MED13L: variants seen among roughly 807,000 people sequenced by gnomAD.
The protein encoded by MED13L is mediator of RNA polymerase II transcription subunit 13-like.
MED13L carries 7 observed loss-of-function variants against 220.9 expected under a neutral mutation model. That is an observed-to-expected ratio of 0.03 (90% CI 0.02 to 0.06). The LOEUF is 0.06. MED13L is among the 10% of genes least tolerant of loss of function. MED13L has a pLI of 1.00. For synonymous variants in MED13L, 1,011 were observed against 1,015.2 expected (o/e 1.00, Z 0.08); for missense variants, 1,965 against 2,760.5 (o/e 0.71, Z 6.46).
At chr12:116,201,772 C>G (rs1882019998) in intron 2 of MED13L, among the ~76,000 whole-genome samples, 1 of 152,042 alleles carries the variant, frequency 6.6e-6, no homozygotes, top group South Asian at 2.1e-4. Context: ...AACCTAAGAG[C>G]CATCCATATA....
At chr12:116,171,978 T>C (rs1879712325) in intron 2 of MED13L, among the ~76,000 whole-genome samples, 1 of 152,200 alleles carries the variant, frequency 6.6e-6, no homozygotes, top group Admixed American at 6.5e-5. Context: ...ATCAACTTCA[T>C]GAAGATTTTA....
At chr12:116,159,733 T>C (rs1878718142) in intron 2 of MED13L, among the ~76,000 whole-genome samples, 1 of 152,220 alleles carries the variant, frequency 6.6e-6, no homozygotes, top group Non-Finnish European at 1.5e-5. Flanking sequence ...GTACTGTGTT[T>C]GTGAATAAAG....
chr12:116,140,161 C>A (rs1222763157), intron 2 of MED13L, among the ~76,000 whole-genome samples: 3 of 152,108 alleles, frequency 2.0e-5, no homozygotes, highest in Admixed American at 1.3e-4. Flanking sequence ...CCTTTCCCAG[C>A]ATGCTCTATT....
At chr12:116,137,486 T>C (rs1876659404) in intron 2 of MED13L, among the ~76,000 whole-genome samples, 1 of 152,050 alleles carries the variant, frequency 6.6e-6, no homozygotes, top group Non-Finnish European at 1.5e-5. Flanking sequence ...GTAACACCAG[T>C]ATTAAACAAA....
chr12:116,180,310 A>T (rs544103654), intron 2 of MED13L, among the ~76,000 whole-genome samples: 2 of 152,348 alleles, frequency 1.3e-5, no homozygotes, highest in Admixed American at 6.5e-5. Context: ...TTTGAGTGCC[A>T]ACATGATACC....
intron 2 of MED13L, among the ~76,000 whole-genome samples, chr12:116,130,394 T>C (rs1481037139): frequency 6.6e-6 from 1 of 152,214 alleles, no homozygotes; most frequent in African/African-American, 2.4e-5. Flanking sequence ...GAAAAGCTGA[T>C]ACCCTAAAAC....
At chr12:116,276,961 G>T (rs553720525) in intron 1 of MED13L, 99 bp downstream of exon 1, 1 of 1,314,764 alleles carries the variant, frequency 7.6e-7, no homozygotes, top group Non-Finnish European at 1.1e-6. Context: ...AGGGAGGGGC[G>T]AAGTCCCGGC....
At chr12:116,261,503 A>G (rs1872517421) in intron 1 of MED13L, among the ~76,000 whole-genome samples, 1 of 151,962 alleles carries the variant, frequency 6.6e-6, no homozygotes, top group Non-Finnish European at 1.5e-5. Flanking sequence ...AAAAAAAAAA[A>G]AAAAAAAACT....
intron 2 of MED13L, among the ~76,000 whole-genome samples, chr12:116,179,477 G>A (rs879404443): frequency 4.6e-5 from 7 of 151,916 alleles, no homozygotes; most frequent in African/African-American, 7.3e-5. Context: ...AGGCATGGTG[G>A]TGCACACTTG....
At chr12:116,208,511 T>C (rs1401405625) in intron 2 of MED13L, among the ~76,000 whole-genome samples, 1 of 152,242 alleles carries the variant, frequency 6.6e-6, no homozygotes, top group African/African-American at 2.4e-5. Flanking sequence ...AACAGTTAAC[T>C]ATCACCCCAT....
Position 115,963,395 on chromosome 12 carries a change from G to A in MED13L, c.6500+12C>T. On this transcript the variant is annotated intron_variant, in intron 30 of 30. Coordinates refer to ENST00000281928, the MANE Select transcript of MED13L (RefSeq NM_015335.5). ...CAAATTGCACTGCTATGATGCCTAG[G>A]TTGGTATCTACCTTAAAACATCCGA... 1.3e-6 allele frequency: 2 copies of A among 1,563,532 alleles called. No homozygotes were observed. The highest frequency in any genetic ancestry group is 2.2e-5 in the South Asian group (2 of 90,066).
intron 4 of MED13L, among the ~76,000 whole-genome samples, chr12:116,037,545 A>C (rs980081197): frequency 2.6e-5 from 4 of 152,188 alleles, no homozygotes; most frequent in African/African-American, 9.7e-5. Flanking sequence ...CTCAATCTGT[A>C]TAAGAGCAAA....
intron 2 of MED13L, among the ~76,000 whole-genome samples, chr12:116,159,010 A>C (rs1878658518): frequency 1.3e-5 from 2 of 152,186 alleles, no homozygotes; most frequent in South Asian, 4.1e-4. Context: ...TCTCTAGGGA[A>C]ACTGAAAAAT....
At chr12:116,038,361 G>A (rs1190471982) in intron 4 of MED13L, among the ~76,000 whole-genome samples, 1 of 151,978 alleles carries the variant, frequency 6.6e-6, no homozygotes, top group Non-Finnish European at 1.5e-5. Flanking sequence ...CTGAAATACT[G>A]CCAAGACTGC....
chr12:116,132,594 A>G (rs1367230588), intron 2 of MED13L, among the ~76,000 whole-genome samples: 2 of 151,232 alleles, frequency 1.3e-5, no homozygotes, highest in Admixed American at 6.6e-5. Context: ...CAATTTCACT[A>G]TATGCTAATT....
intron 28 of MED13L, among the ~76,000 whole-genome samples, chr12:115,967,244 G>C (rs1592895491): frequency 6.9e-6 from 1 of 144,952 alleles, no homozygotes; most frequent in South Asian, 2.2e-4. Flanking sequence ...ACATCAAACT[G>C]TATCAATTCT....
At chr12:115,973,022 A>T (rs1876694765) in intron 25 of MED13L, among the ~76,000 whole-genome samples, 1 of 152,026 alleles carries the variant, frequency 6.6e-6, no homozygotes, top group African/African-American at 2.4e-5. Flanking sequence ...AGGCTGCTCT[A>T]CCTCCACACT....
intron 2 of MED13L, among the ~76,000 whole-genome samples, chr12:116,136,895 G>A (rs1048627927): frequency 6.6e-6 from 1 of 152,112 alleles, no homozygotes; most frequent in African/African-American, 2.4e-5. Context: ...TGATTTTCCT[G>A]AATAAACTTG....
rs1877127913 is a variant in MED13L at position 116,142,093 on chromosome 12, A to C, written c.311-30581T>G. 2.0e-5 allele frequency among the ~76,000 whole-genome samples: 3 copies of C among 152,178 alleles called. No individual in the cohort carries two copies. The South Asian group carries it at 6.2e-4, about 32-fold the overall frequency. ...TTAGGTCTCACCTCATATGCCACCC[A>C]ATCAGACTTTCTCTGACTACCCTAC... is the stretch of plus-strand genomic sequence containing the variant. On this transcript the variant is annotated intron_variant, in intron 2 of 30. Coordinates refer to ENST00000281928, the MANE Select transcript of MED13L (RefSeq NM_015335.5).
Sources: allele counts gnomAD v4.1 joint callset (sites outside exome capture counted in the v4.1 genomes callset), GRCh38; gene constraint gnomAD v4.1.1; transcripts MANE v1.5; gene names NCBI Gene and HGNC (gene_info 2026-07-23, HGNC 2026-07-21).